ASIC5: variants seen among roughly 807,000 people sequenced by gnomAD.
ASIC5 encodes acid sensing ion channel subunit family member 5, also known as bile acid-sensitive ion channel.
ASIC5 carries 52 observed loss-of-function variants against 51.2 expected under a neutral mutation model. That is an observed-to-expected ratio of 1.02 (90% CI 0.81 to 1.28). The LOEUF is 1.28. Among genes scored for constraint, ASIC5 ranks in the 50% most tolerant of loss-of-function variants. The pLI is 0.00. For synonymous variants in ASIC5, 231 were observed against 200.7 expected (o/e 1.15, Z -1.28); for missense variants, 635 against 595.0 (o/e 1.07, Z -0.70).
chr4:155,847,677 A>C (rs540653259), intron 4 of ASIC5, among the ~76,000 whole-genome samples: 1 of 151,976 alleles, frequency 6.6e-6, no homozygotes, highest in Non-Finnish European at 1.5e-5. Flanking sequence ...AGCCAAGATC[A>C]TGTCACTGCA....
chr4:155,862,153 T>G (rs1741723644), intron 2 of ASIC5, among the ~76,000 whole-genome samples: 1 of 152,126 alleles, frequency 6.6e-6, no homozygotes, highest in African/African-American at 2.4e-5. Flanking sequence ...TCTGTTTTTG[T>G]TAGAACACAT....
At position 155,843,683 on chromosome 4, in the gene ASIC5, T is replaced by C. The variant is rs745707508; in HGVS notation, c.859A>G (p.Lys287Glu). Residue 287 changes from lysine to glutamate, a missense_variant and splice_region_variant, in exon 5 of 10, where the codon AAG becomes GAG. By Grantham distance (56) the Lys-to-Glu change is moderately conservative. Coordinates refer to ENST00000537611, the MANE Select transcript of ASIC5 (RefSeq NM_017419.3). The stretch of plus-strand genomic sequence containing the variant: ...TTTCCTCAGACTCGAGTATTTACCT[T>C]CACTTGGCGGATGGTTACCCTTGCG... ...MHARVTIRQVKTVHQEYPWGE... is the reference protein window; with the variant it reads ...MHARVTIRQVETVHQEYPWGE... 1.9e-5 allele frequency: 30 copies of C among 1,613,366 alleles called. No individual in the cohort carries two copies. Among genetic ancestry groups the C allele is most frequent in the Non-Finnish European group, 2.5e-5 (30 of 1,179,574 alleles).
At chr4:155,844,027 A>G (rs1235666053) in intron 4 of ASIC5, among the ~76,000 whole-genome samples, 197 bp from the exon 5 acceptor site, 1 of 152,124 alleles carries the variant, frequency 6.6e-6, no homozygotes, top group Non-Finnish European at 1.5e-5. Flanking sequence ...AAAGGAAACT[A>G]TCTTGGGTCC....
At chr4:155,843,487 C>T (rs1741166974) in intron 5 of ASIC5, among the ~76,000 whole-genome samples, 194 bp downstream of exon 5, 1 of 152,082 alleles carries the variant, frequency 6.6e-6, no homozygotes, top group East Asian at 1.9e-4. Context: ...ATAGGCTTCC[C>T]AGCTTTCACT....
intron 8 of ASIC5, among the ~76,000 whole-genome samples, chr4:155,833,145 A>G (rs1277307384): frequency 6.6e-6 from 1 of 152,198 alleles, no homozygotes; most frequent in Non-Finnish European, 1.5e-5. Context: ...CTGAATCCTA[A>G]CAAATAATAG....
intron 6 of ASIC5, 40 bp downstream of exon 6, chr4:155,842,167 A>C (rs776138875): frequency 6.3e-7 from 1 of 1,589,890 alleles, no homozygotes; most frequent in Non-Finnish European, 8.6e-7. Flanking sequence ...GAAACACTTA[A>C]CTGTCTAGTT....
intron 8 of ASIC5, among the ~76,000 whole-genome samples, chr4:155,835,001 A>G (rs1740944513): frequency 6.6e-6 from 1 of 151,946 alleles, no homozygotes; most frequent in African/African-American, 2.4e-5. Flanking sequence ...GATCCATCTC[A>G]CTGAGAGCCA....
At chr4:155,862,902 C>T (rs1239392120) in intron 2 of ASIC5, among the ~76,000 whole-genome samples, 5 of 152,146 alleles carry the variant, frequency 3.3e-5, no homozygotes, top group Admixed American at 6.6e-5. Flanking sequence ...TTCCATAACA[C>T]CCAAGATGGA....
chr4:155,862,591 C>T (rs1199351192), intron 2 of ASIC5, among the ~76,000 whole-genome samples: 2 of 152,112 alleles, frequency 1.3e-5, no homozygotes, highest in African/African-American at 4.8e-5. Context: ...AAGTTGTCCT[C>T]CTCTTAGCAG....
In ASIC5 at chr4:155,866,223, C is replaced by T; in HGVS notation, c.4G>A (p.Glu2Lys). Residue 2 changes from glutamate to lysine, a missense_variant, in exon 1 of 10, where the codon GAG becomes AAG. Coordinates refer to ENST00000537611, the MANE Select transcript of ASIC5 (RefSeq NM_017419.3). M[E>K]QTEKSKVYAE... ...TATACTTTTGATTTTTCTGTCTGCT[C>T]CATTTGTGATTTCAGTTAAGCAAGA... 1.2e-6 allele frequency: 2 copies of T among 1,608,046 alleles called. No homozygotes were observed. The highest frequency in any genetic ancestry group is 1.7e-6 in the Non-Finnish European group (2 of 1,175,608).
rs200169379 is a variant in ASIC5 at position 155,839,888 on chromosome 4, A to G, written c.1010-1019T>C. On this transcript the variant is annotated intron_variant, in intron 6 of 9. Transcript: ENST00000537611. ...AATAAAAACAAACAAACAAAAGAAC[A>G]ATGAAATTTTGGAAATAACCAATAT... 2.0e-5 allele frequency among the ~76,000 whole-genome samples: 3 copies of G among 152,146 alleles called. No individual in the cohort carries two copies. The East Asian group carries it at 5.8e-4, about 29-fold the overall frequency.
intron 6 of ASIC5, among the ~76,000 whole-genome samples, 161 bp from the exon 7 acceptor site, chr4:155,839,030 A>T (rs1741058093): frequency 1.3e-5 from 2 of 152,270 alleles, no homozygotes; most frequent in Non-Finnish European, 2.9e-5. Flanking sequence ...CTATGGAATC[A>T]AGTTAGTATC....
intron 4 of ASIC5, among the ~76,000 whole-genome samples, chr4:155,849,594 C>T (rs1042824408): frequency 1.8e-4 from 28 of 152,024 alleles, no homozygotes; most frequent in Admixed American, 1.8e-3. Flanking sequence ...AACTAGGGTA[C>T]ACCTGTTGTT....
In ASIC5 at chr4:155,842,629, T is replaced by C. The variant is rs114689348; in HGVS notation, c.862-275A>G. Among the ~76,000 whole-genome samples the C allele has an allele frequency of 9.9e-3, 1,504 of 152,152 alleles. 23 individuals are homozygous for C. The highest frequency in any genetic ancestry group is 0.034 in the African/African-American group (1,414 of 41,500). ...AATCAACTCATATAAGGAAAAAATA[T>C]CATTTATGTAAATGTTATATTAGTG... On this transcript the variant is annotated intron_variant, in intron 5 of 9. Transcript: ENST00000537611.
In ASIC5 at chr4:155,852,277, T is replaced by C; in HGVS notation, c.625A>G (p.Thr209Ala). ...TGGAGAGTTTCACCATGATTAAAAG[T>C]AAAACAATTTCCATATTCAGTGAAG... Reference protein sequence around the residue: ...HVFTEYGNCFTFNHGETLQAK... With the variant: ...HVFTEYGNCFAFNHGETLQAK... The change falls in exon 4 of 10, where the codon ACT becomes GCT. Residue 209 changes from threonine to alanine, a missense_variant. Thr to Ala is a moderately conservative substitution (Grantham distance 58). Transcript: ENST00000537611. 1 of 1,596,732 alleles carries C rather than the reference T, an allele frequency of 6.3e-7. No homozygotes were observed. Among genetic ancestry groups the C allele is most frequent in the Non-Finnish European group, 8.5e-7 (1 of 1,174,294 alleles).
chr4:155,833,335 C>T (rs1560739472), intron 8 of ASIC5, among the ~76,000 whole-genome samples: 1 of 152,056 alleles, frequency 6.6e-6, no homozygotes, highest in Non-Finnish European at 1.5e-5. Flanking sequence ...TACTATTAGC[C>T]GAGTTTCCTA....
At chr4:155,845,526 A>G (rs1213915240) in intron 4 of ASIC5, among the ~76,000 whole-genome samples, 1 of 151,504 alleles carries the variant, frequency 6.6e-6, no homozygotes, top group Non-Finnish European at 1.5e-5. Flanking sequence ...ACACTCAGAA[A>G]TATCTTTGTT....
At chr4:155,852,342 A>C in intron 3 of ASIC5, 26 bp from the exon 4 acceptor site, 1 of 1,568,208 alleles carries the variant, frequency 6.4e-7, no homozygotes. Flanking sequence ...GAACCAAAAA[A>C]AACCATCAAT....
At chr4:155,843,293 C>T (rs1473169747) in intron 5 of ASIC5, among the ~76,000 whole-genome samples, 1 of 152,038 alleles carries the variant, frequency 6.6e-6, no homozygotes. Flanking sequence ...AAGAAGTTAC[C>T]GGGCAAGTAA....
Sources: allele counts gnomAD v4.1 joint callset (sites outside exome capture counted in the v4.1 genomes callset), GRCh38; gene constraint gnomAD v4.1.1; transcripts MANE v1.5; gene names NCBI Gene and HGNC (gene_info 2026-07-23, HGNC 2026-07-21).